Variants in FSTL5 observed in about 807,000 individuals in gnomAD.
FSTL5 encodes follistatin like 5, also known as follistatin-related protein 5.
FSTL5 carries 62 observed loss-of-function variants against 89.1 expected under a neutral mutation model. The observed-to-expected ratio is 0.70, with a 90% CI of 0.57 to 0.86. The LOEUF (loss-of-function observed/expected upper bound fraction) is 0.86, where lower values mean the gene tolerates loss of function less well. Ranked by LOEUF, FSTL5 falls within the 40% of genes least tolerant of loss-of-function variation. FSTL5 has a pLI of 0.00. For synonymous variants in FSTL5, 383 were observed against 346.2 expected (o/e 1.11, Z -1.18); for missense variants, 1,057 against 1,001.6 (o/e 1.06, Z -0.75).
At chr4:161,473,679 G>C (rs762056411) in intron 13 of FSTL5, among the ~76,000 whole-genome samples, 33 of 152,112 alleles carry the variant, frequency 2.2e-4, no homozygotes, top group Non-Finnish European at 4.1e-4. Context: ...CACTGCCCCT[G>C]TCCTGGCCTC....
At chr4:161,784,902 A>AAAAAAG (rs1741837098) in intron 4 of FSTL5, among the ~76,000 whole-genome samples, 1 of 145,976 alleles carries the variant, frequency 6.9e-6, no homozygotes, top group African/African-American at 2.6e-5. Flanking sequence ...CAAAAAAAAC[A>AAAAAAG]AAAACAAACA....
chr4:161,537,494 C>T (rs1578908175), intron 10 of FSTL5, among the ~76,000 whole-genome samples: 1 of 152,164 alleles, frequency 6.6e-6, no homozygotes, highest in African/African-American at 2.4e-5. Flanking sequence ...ATTCGGCTAT[C>T]ATAAAAAGCA....
At position 161,752,062 on chromosome 4, in the gene FSTL5, C is replaced by G. The variant is rs533408039; in HGVS notation, c.727+7349G>C. Among the ~76,000 whole-genome samples, 229 of 152,170 alleles carry G rather than the reference C, an allele frequency of 1.5e-3. 2 individuals carry two copies. The highest frequency in any genetic ancestry group is 5.4e-4 in the Non-Finnish European group (37 of 68,014). On this transcript the variant is annotated intron_variant, in intron 6 of 15. Coordinates refer to ENST00000306100, the MANE Select transcript of FSTL5 (RefSeq NM_020116.5). The stretch of plus-strand genomic sequence containing the variant: ...CAGAGATAATTCATGAGCTCTAGGC[C>G]AGAGGTGAATTCAGTTGCTCTGGTA...
At chr4:161,548,179 A>G (rs1015804485) in intron 8 of FSTL5, among the ~76,000 whole-genome samples, 8 of 151,890 alleles carry the variant, frequency 5.3e-5, no homozygotes, top group Admixed American at 4.0e-4. Flanking sequence ...TCTTTGTAGA[A>G]ACAATCTAAA....
At chr4:161,525,033 T>G (rs1731170572) in intron 10 of FSTL5, among the ~76,000 whole-genome samples, 1 of 152,076 alleles carries the variant, frequency 6.6e-6, no homozygotes, top group African/African-American at 2.4e-5. Flanking sequence ...GAAGTGTCAC[T>G]ACAACCATCA....
intron 4 of FSTL5, among the ~76,000 whole-genome samples, chr4:161,817,206 G>A (rs766735067): frequency 1.1e-4 from 16 of 152,216 alleles, no homozygotes; most frequent in East Asian, 5.8e-4. Flanking sequence ...TGAAACATGC[G>A]TGTGTCATTG....
At chr4:161,741,733 G>A (rs144896175) in intron 6 of FSTL5, among the ~76,000 whole-genome samples, 1 of 148,460 alleles carries the variant, frequency 6.7e-6, no homozygotes, top group African/African-American at 2.5e-5. Flanking sequence ...TGTCGCCCAG[G>A]CTGGAACGCA....
At position 161,451,180 on chromosome 4, in the gene FSTL5, T is replaced by G. The variant is rs115629904; in HGVS notation, c.1841+3824A>C. 7.5e-3 allele frequency among the ~76,000 whole-genome samples: 1,000 copies of G among 132,582 alleles called. 10 individuals are homozygous for G. The highest frequency in any genetic ancestry group is 0.028 in the African/African-American group (946 of 34,360). The allele number at this position is 132,582 out of a possible 152,430, so 87.0% of individuals were successfully genotyped here. ...ATGTCATTCCAAAATATACTCCTTT[T>G]GCACTCCATAATCTCTTCAACTTTA... On this transcript the variant is annotated intron_variant, in intron 15 of 15. Coordinates refer to ENST00000306100, the MANE Select transcript of FSTL5 (RefSeq NM_020116.5).
chr4:161,684,718 C>G (rs1446218946), intron 6 of FSTL5, among the ~76,000 whole-genome samples: 1 of 152,108 alleles, frequency 6.6e-6, no homozygotes, highest in Non-Finnish European at 1.5e-5. Context: ...TCTGGGTTGT[C>G]TGTTCACTCT....
chr4:161,467,817 A>T (rs1733797946), intron 13 of FSTL5, among the ~76,000 whole-genome samples: 1 of 152,178 alleles, frequency 6.6e-6, no homozygotes, highest in Non-Finnish European at 1.5e-5. Flanking sequence ...CGTGGCTGCA[A>T]AAAAGAGAGC....
At chr4:161,463,235 A>G (rs1400713441) in intron 13 of FSTL5, among the ~76,000 whole-genome samples, 1 of 152,158 alleles carries the variant, frequency 6.6e-6, no homozygotes, top group African/African-American at 2.4e-5. Flanking sequence ...AGTTTTGAAC[A>G]TTTTGTTTCA....
chr4:161,921,530 T>A (rs1430657664), intron 3 of FSTL5, among the ~76,000 whole-genome samples: 1 of 152,240 alleles, frequency 6.6e-6, no homozygotes, highest in East Asian at 1.9e-4. Context: ...TGTATACACA[T>A]GTATACACAC....
chr4:161,385,419 T>A lies in FSTL5; in HGVS notation c.*328A>T. ...ATAAACTACCCTCAAAATGAAATAA[T>A]GCTTTATGTCATCTGAAATTCCCTG... On this transcript the variant is annotated 3_prime_UTR_variant, in exon 16 of 16. Coordinates refer to ENST00000306100, the MANE Select transcript of FSTL5 (RefSeq NM_020116.5). 1 of 209,162 alleles carries A rather than the reference T, an allele frequency of 4.8e-6. No homozygotes were observed. Among genetic ancestry groups the A allele is most frequent in the Non-Finnish European group, 9.5e-6 (1 of 104,834 alleles). 13.0% of individuals were successfully genotyped at this position (209,162 alleles called of 1,614,324 possible).
At chr4:161,469,920 T>G (rs538024887) in intron 13 of FSTL5, among the ~76,000 whole-genome samples, 2 of 152,154 alleles carry the variant, frequency 1.3e-5, no homozygotes, top group Admixed American at 6.5e-5. Context: ...GGGATTACAT[T>G]TGCCACTTTT....
chr4:161,830,539 T>C (rs1730811802), intron 4 of FSTL5, among the ~76,000 whole-genome samples: 1 of 151,924 alleles, frequency 6.6e-6, no homozygotes, highest in South Asian at 2.1e-4. Flanking sequence ...TCTGTTCATT[T>C]ATGTTGTGGC....
At chr4:161,925,612 T>A (rs1191906170) in intron 3 of FSTL5, among the ~76,000 whole-genome samples, 1 of 151,882 alleles carries the variant, frequency 6.6e-6, no homozygotes, top group Non-Finnish European at 1.5e-5. Context: ...AATGATATCA[T>A]GTGGTTGTTA....
At position 161,562,443 on chromosome 4, in the gene FSTL5, G is replaced by A. The variant is rs1459347495; in HGVS notation, c.1016-19750C>T. On this transcript the variant is annotated intron_variant, in intron 8 of 15. Transcript: ENST00000306100. ...TGCCATCTTAATAAAATTAAGTATTGAAATTTATCAACATAGTATGTTTTT... is the reference window on the plus strand; with the variant it reads ...TGCCATCTTAATAAAATTAAGTATTAAAATTTATCAACATAGTATGTTTTT... 7.9e-5 allele frequency among the ~76,000 whole-genome samples: 12 copies of A among 151,786 alleles called. No homozygotes were observed. In the East Asian group the frequency reaches 2.3e-3, roughly 30 times the overall value.
intron 4 of FSTL5, among the ~76,000 whole-genome samples, chr4:161,899,000 G>A (rs2110784196): frequency 6.6e-6 from 1 of 152,148 alleles, no homozygotes; most frequent in East Asian, 1.9e-4. Flanking sequence ...ATAGGTAAGG[G>A]CACTACAGTT....
At chr4:162,063,878 GA>G (rs1376228990) in intron 2 of FSTL5, among the ~76,000 whole-genome samples, 1 of 151,824 alleles carries the variant, frequency 6.6e-6, no homozygotes, top group African/African-American at 2.4e-5. Context: ...AGCTCTCCTT[GA>G]AAGTGTTTCA....
Sources: allele counts gnomAD v4.1 joint callset (sites outside exome capture counted in the v4.1 genomes callset), GRCh38; gene constraint gnomAD v4.1.1; transcripts MANE v1.5; gene names NCBI Gene and HGNC (gene_info 2026-07-23, HGNC 2026-07-21).